The following HS6ST3 variants were observed in gnomAD, a reference collection of about 807,000 sequenced individuals.
The protein encoded by HS6ST3 is heparan-sulfate 6-O-sulfotransferase 3.
HS6ST3 carries 12 observed loss-of-function variants against 36.7 expected under a neutral mutation model. That is an observed-to-expected ratio of 0.33 (90% CI 0.21 to 0.53). The LOEUF (loss-of-function observed/expected upper bound fraction) is 0.53, where lower values mean the gene tolerates loss of function less well. Among genes scored for constraint, HS6ST3 ranks in the 20% least tolerant of loss-of-function variants. The pLI, the probability that HS6ST3 is intolerant of heterozygous loss-of-function variation, is 0.95. For synonymous variants in HS6ST3, 240 were observed against 257.5 expected, an observed-to-expected ratio of 0.93 and a Z score of 0.65; for missense variants, 584 against 640.9, an observed-to-expected ratio of 0.91 and a Z score of 0.96.
chr13:96,711,011 T>G (rs151144249), intron 1 of HS6ST3, among the ~76,000 whole-genome samples: 2 of 152,356 alleles, frequency 1.3e-5, no homozygotes, highest in Admixed American at 1.3e-4. Flanking sequence ...TCAACTGGTC[T>G]TCAAACAAAA....
chr13:96,265,048 C>A (rs890585265), intron 1 of HS6ST3, among the ~76,000 whole-genome samples: 1 of 152,146 alleles, frequency 6.6e-6, no homozygotes, highest in East Asian at 1.9e-4. Flanking sequence ...CAACTTACTT[C>A]CACTCCATTC....
chr13:96,090,197 C>G lies in HS6ST3; in HGVS notation c.-666C>G, dbSNP rs575823438. The stretch of plus-strand genomic sequence containing the variant: ...GGGCGGACAGCCCGGAGCGGCAGTG[C>G]GACTCGCCGGGAGAGGCGTCTCCGC... On this transcript the variant is annotated 5_prime_UTR_variant, in exon 1 of 2. Coordinates refer to ENST00000376705, the MANE Select transcript of HS6ST3 (RefSeq NM_153456.4). Among the ~76,000 whole-genome samples, 1 of 151,914 alleles carries G rather than the reference C, an allele frequency of 6.6e-6. No homozygotes were observed. Among genetic ancestry groups the G allele is most frequent in the Non-Finnish European group, 1.5e-5 (1 of 67,784 alleles).
intron 1 of HS6ST3, among the ~76,000 whole-genome samples, chr13:96,155,339 ATAAC>A (rs1227338039): frequency 2.0e-5 from 1 of 49,564 alleles, no homozygotes; most frequent in Non-Finnish European, 5.5e-5. Flanking sequence ...TCTAAATAAA[ATAAC>A]AAAAAAAACA....
At chr13:96,167,521 A>T (rs183641217) in intron 1 of HS6ST3, among the ~76,000 whole-genome samples, 4 of 152,288 alleles carry the variant, frequency 2.6e-5, no homozygotes, top group Admixed American at 6.5e-5. Flanking sequence ...CTCTAAGTCA[A>T]ACAGGGCTGC....
At chr13:96,374,600 C>T (rs1265848018) in intron 1 of HS6ST3, among the ~76,000 whole-genome samples, 1 of 152,118 alleles carries the variant, frequency 6.6e-6, no homozygotes, top group Non-Finnish European at 1.5e-5. Flanking sequence ...CTGCAAAGAC[C>T]TTGAGTAGCT....
At chr13:96,485,990 A>G (rs2055912302) in intron 1 of HS6ST3, among the ~76,000 whole-genome samples, 1 of 149,902 alleles carries the variant, frequency 6.7e-6, no homozygotes, top group Non-Finnish European at 1.5e-5. Flanking sequence ...CATTAGGTAT[A>G]TCTCCTAATG....
intron 1 of HS6ST3, among the ~76,000 whole-genome samples, chr13:96,277,624 TATG>T (rs2054754780): frequency 6.6e-6 from 1 of 152,208 alleles, no homozygotes; most frequent in Non-Finnish European, 1.5e-5. Context: ...AAATTATAAC[TATG>T]ATGATTATAT....
At chr13:96,825,253 A>G (rs1878624496) in intron 1 of HS6ST3, among the ~76,000 whole-genome samples, 1 of 152,220 alleles carries the variant, frequency 6.6e-6, no homozygotes, top group African/African-American at 2.4e-5. Flanking sequence ...TAGGCAAGTC[A>G]TAGCCTCATA....
chr13:96,100,439 G>A (rs189150222), intron 1 of HS6ST3, among the ~76,000 whole-genome samples: 1 of 152,276 alleles, frequency 6.6e-6, no homozygotes, highest in East Asian at 1.9e-4. Flanking sequence ...GGACCTCAAG[G>A]TACCTTGCAA....
intron 1 of HS6ST3, among the ~76,000 whole-genome samples, chr13:96,689,330 G>T (rs1874872658): frequency 6.6e-6 from 1 of 152,026 alleles, no homozygotes; most frequent in South Asian, 2.1e-4. Flanking sequence ...AATCCAAAAT[G>T]TTGGGGACAA....
intron 1 of HS6ST3, among the ~76,000 whole-genome samples, chr13:96,091,849 G>C (rs2053766656): frequency 6.6e-6 from 1 of 151,784 alleles, no homozygotes; most frequent in Non-Finnish European, 1.5e-5. Context: ...TGCCTAGCAC[G>C]GCCTGGCCTC....
chr13:96,321,993 C>T (rs922701161), intron 1 of HS6ST3, among the ~76,000 whole-genome samples: 1 of 147,558 alleles, frequency 6.8e-6, no homozygotes, highest in African/African-American at 2.6e-5. Flanking sequence ...ATTCTGACTT[C>T]ACTGAAAAAA....
chr13:96,518,808 T>A (rs1261328851), intron 1 of HS6ST3, among the ~76,000 whole-genome samples: 2 of 152,192 alleles, frequency 1.3e-5, no homozygotes, highest in African/African-American at 4.8e-5. Context: ...AACTTCTAAT[T>A]TATTAGGGAA....
intron 1 of HS6ST3, among the ~76,000 whole-genome samples, chr13:96,392,487 T>C (rs1229965628): frequency 6.6e-6 from 1 of 152,090 alleles, no homozygotes; most frequent in Admixed American, 6.6e-5. Context: ...CATGAGCACT[T>C]GGAACAAAGA....
At chr13:96,134,645 AT>A (rs1239449689) in intron 1 of HS6ST3, among the ~76,000 whole-genome samples, 1 of 152,182 alleles carries the variant, frequency 6.6e-6, no homozygotes, top group Non-Finnish European at 1.5e-5. Flanking sequence ...ATTTCTTAAA[AT>A]TAAAGACACA....
intron 1 of HS6ST3, among the ~76,000 whole-genome samples, chr13:96,742,438 A>T (rs945516706): frequency 6.6e-6 from 1 of 152,060 alleles, no homozygotes; most frequent in African/African-American, 2.4e-5. Context: ...ATGAAATGAC[A>T]CCCCTAAAAC....
chr13:96,436,677 G>T (rs749872198), intron 1 of HS6ST3, among the ~76,000 whole-genome samples: 1 of 152,288 alleles, frequency 6.6e-6, no homozygotes, highest in South Asian at 2.1e-4. Context: ...CAAGGTTTGC[G>T]CATTCAAAGA....
intron 1 of HS6ST3, among the ~76,000 whole-genome samples, chr13:96,374,941 C>T (rs2055307552): frequency 6.6e-6 from 1 of 152,112 alleles, no homozygotes; most frequent in African/African-American, 2.4e-5. Context: ...GAAGCTTCTA[C>T]TTTACCATTC....
At chr13:96,683,176 C>G (rs1594835215) in intron 1 of HS6ST3, among the ~76,000 whole-genome samples, 1 of 152,140 alleles carries the variant, frequency 6.6e-6, no homozygotes, top group South Asian at 2.1e-4. Flanking sequence ...ATTTAAATGT[C>G]AAACACTCCT....
Sources: gnomAD v4.1 joint callset for allele counts (sites outside exome capture counted in the v4.1 genomes callset) on GRCh38, gnomAD v4.1.1 for gene constraint, MANE v1.5 for transcripts, NCBI Gene and HGNC (gene_info 2026-07-23, HGNC 2026-07-21) for gene names.